HELZ: variants seen among roughly 807,000 people sequenced by gnomAD.
HELZ encodes the protein ATP-dependent RNA helicase with zinc finger domain.
HELZ carries 23 observed loss-of-function variants against 218.2 expected under a neutral mutation model. That is an observed-to-expected ratio of 0.11 (90% CI 0.08 to 0.15). HELZ has a LOEUF of 0.15. Ranked by LOEUF, HELZ falls within the 10% of genes least tolerant of loss-of-function variation. The pLI is 1.00. For missense variants in HELZ, 1,813 were observed against 2,353.7 expected (o/e 0.77, Z 4.75); for synonymous variants, 814 against 829.4 (o/e 0.98, Z 0.32).
In HELZ at chr17:67,135,956, T is replaced by G. The variant is rs1429284961; in HGVS notation, c.3182+14A>C. On this transcript the variant is annotated intron_variant, in intron 23 of 32. Transcript: ENST00000358691. ...CATTTCCCCTTTAATGTCTCAACATTAACACATAATTACCTGCATCTTCCA... is the reference window on the plus strand; with the variant it reads ...CATTTCCCCTTTAATGTCTCAACATGAACACATAATTACCTGCATCTTCCA... 1.0e-5 allele frequency: 16 copies of G among 1,590,576 alleles called. No individual in the cohort carries two copies. The highest frequency in any genetic ancestry group is 1.3e-5 in the Non-Finnish European group (15 of 1,161,366).
chr17:67,075,715 G>T lies in HELZ; in HGVS notation c.*2537C>A, dbSNP rs1042360640. On this transcript the variant is annotated 3_prime_UTR_variant, in exon 33 of 33. Coordinates refer to ENST00000358691, the MANE Select transcript of HELZ (RefSeq NM_014877.4). ...AATGCTGAGGAAGAGTAAGCTTGTTGTAAGTCAAAATAAGCATTTGATGCA... is the reference window on the plus strand; with the variant it reads ...AATGCTGAGGAAGAGTAAGCTTGTTTTAAGTCAAAATAAGCATTTGATGCA... The T allele has an allele frequency of 6.6e-6, 1 of 152,252 alleles. No individual in the cohort carries two copies. Among genetic ancestry groups the T allele is most frequent in the African/African-American group, 2.4e-5 (1 of 41,460 alleles). The allele number at this position is 152,252 out of a possible 1,614,324, so 9.4% of individuals were successfully genotyped here.
chr17:67,092,579 A>G (rs945310242), intron 31 of HELZ, among the ~76,000 whole-genome samples: 18 of 152,354 alleles, frequency 1.2e-4, no homozygotes, highest in African/African-American at 3.4e-4. Context: ...AGGGCTCCAC[A>G]TGGATTCAAG....
intron 14 of HELZ, 28 bp downstream of exon 14, chr17:67,167,435 A>G (rs776725176): frequency 1.3e-6 from 2 of 1,511,198 alleles, no homozygotes; most frequent in Non-Finnish European, 1.8e-6. Context: ...ACAGACCACT[A>G]TGGTTAAGCT....
rs917336339 is a variant in HELZ, at chr17:67,079,118, G to C, written c.5495-532C>G. 2.6e-5 allele frequency among the ~76,000 whole-genome samples: 4 copies of C among 152,270 alleles called. No individual in the cohort carries two copies. In the South Asian group the frequency reaches 6.2e-4, roughly 24 times the overall value. On this transcript the variant is annotated intron_variant, in intron 32 of 32. Transcript: ENST00000358691. ...TAAATGACTTCACATTTCCTATAAT[G>C]TGCCTGACTTTCAAGGTCCCTTAAA...
At chr17:67,170,500 C>T (rs1045664173) in intron 13 of HELZ, among the ~76,000 whole-genome samples, 4 of 151,784 alleles carry the variant, frequency 2.6e-5, no homozygotes, top group African/African-American at 4.8e-5. Flanking sequence ...GGCAACAGAG[C>T]GAGATTCTGT....
At position 67,108,283 on chromosome 17, in the gene HELZ, C is replaced by G. The variant is rs2037168510; in HGVS notation, c.4724+209G>C. Reference sequence around the variant, plus strand: ...AGTTAATTTCCAACCCATAGTAGATCATCCATGCCTAAATTTGTAGAAGAG... The same window carrying G: ...AGTTAATTTCCAACCCATAGTAGATGATCCATGCCTAAATTTGTAGAAGAG... On this transcript the variant is annotated intron_variant, in intron 30 of 32. Transcript: ENST00000358691. This position sits in a 1 kb window ranked among gnomAD's most constrained non-coding sequence, Gnocchi z 4.1. 3 of 532,288 alleles carry G rather than the reference C, an allele frequency of 5.6e-6. No individual in the cohort carries two copies. Among genetic ancestry groups the G allele is most frequent in the Non-Finnish European group, 1.0e-5 (3 of 297,434 alleles). 33.0% of individuals were successfully genotyped at this position (532,288 alleles called of 1,614,324 possible).
At chr17:67,080,155 A>C (rs1265961678) in intron 32 of HELZ, among the ~76,000 whole-genome samples, 2 of 152,220 alleles carry the variant, frequency 1.3e-5, no homozygotes, top group African/African-American at 2.4e-5. Flanking sequence ...TATGTGGCAT[A>C]AGGTAAAGAT....
At chr17:67,164,711 T>G (rs1284058540) in intron 15 of HELZ, among the ~76,000 whole-genome samples, 1 of 151,912 alleles carries the variant, frequency 6.6e-6, no homozygotes, top group East Asian at 1.9e-4. Flanking sequence ...TGCTAAAACA[T>G]GAGAGTTTAG....
intron 5 of HELZ, among the ~76,000 whole-genome samples, chr17:67,208,831 G>C (rs996834358): frequency 6.6e-6 from 1 of 151,850 alleles, no homozygotes; most frequent in Middle Eastern, 3.2e-3. Context: ...CAGCTACTTG[G>C]GAGGCTGGGG....
rs1441471770 is a variant in HELZ at position 67,167,610 on chromosome 17, G to T, written c.1617C>A (p.Val539=). ...GGGTCTGTACTAACTTCTGTTTAGG[G>T]ACTGGTAATAAATAAACAGCATTGA... The part of the protein sequence containing the change: ...TKVNAVYLLP[V]PKQKLVQTQG... Residue 539 remains valine, a synonymous_variant, in exon 14 of 33, where the codon GTC becomes GTA. Coordinates refer to ENST00000358691, the MANE Select transcript of HELZ (RefSeq NM_014877.4). 1 of 1,614,046 alleles carries T rather than the reference G, an allele frequency of 6.2e-7. No individual in the cohort carries two copies. The highest frequency in any genetic ancestry group is 1.1e-5 in the South Asian group (1 of 91,058).
intron 13 of HELZ, among the ~76,000 whole-genome samples, chr17:67,169,265 G>A (rs952725022): frequency 8.5e-5 from 13 of 152,056 alleles, no homozygotes; most frequent in Admixed American, 5.9e-4. Flanking sequence ...TTGTGTTGCC[G>A]TAACAGAATA....
intron 4 of HELZ, among the ~76,000 whole-genome samples, chr17:67,216,238 A>C (rs2040597177): frequency 6.6e-6 from 1 of 152,218 alleles, no homozygotes; most frequent in South Asian, 2.1e-4. Flanking sequence ...CCACAAGAAG[A>C]GAATTTTCAT....
At chr17:67,145,708 A>G (rs774049689) in intron 21 of HELZ, 35 bp downstream of exon 21, 2 of 1,553,246 alleles carry the variant, frequency 1.3e-6, no homozygotes, top group Non-Finnish European at 1.8e-6. Flanking sequence ...TGTGACTGAG[A>G]AAATGTTAAC....
intron 27 of HELZ, chr17:67,119,930 G>C (rs2037546382): frequency 4.9e-6 from 2 of 404,604 alleles, no homozygotes; most frequent in Admixed American, 6.1e-5. Context: ...TTGTGTCTGT[G>C]TACATAATTT....
chr17:67,119,850 G>A (rs1284876422), intron 27 of HELZ: 2 of 349,634 alleles, frequency 5.7e-6, no homozygotes, highest in African/African-American at 2.3e-5. Context: ...ATTTTTTTCA[G>A]AAACTCAGTG....
chr17:67,077,503 C>T lies in HELZ; in HGVS notation c.*749G>A, dbSNP rs912470830. On this transcript the variant is annotated 3_prime_UTR_variant, in exon 33 of 33. Transcript: ENST00000358691. ...TGATTTGTTTAAAAAAAAAAACACA[C>T]ACTATCAAATTAACATTAAAAACAA... is the stretch of plus-strand genomic sequence containing the variant. 1.5e-4 allele frequency: 22 copies of T among 151,076 alleles called. No homozygotes were observed. The highest frequency in any genetic ancestry group is 2.7e-4 in the Non-Finnish European group (18 of 67,744). 9.4% of individuals were successfully genotyped at this position (151,076 alleles called of 1,614,324 possible).
At chr17:67,239,061 A>G (rs2041257761) in intron 3 of HELZ, among the ~76,000 whole-genome samples, 1 of 152,234 alleles carries the variant, frequency 6.6e-6, no homozygotes, top group Non-Finnish European at 1.5e-5. Flanking sequence ...AAACAATTCA[A>G]TACTTAACCA....
intron 6 of HELZ, among the ~76,000 whole-genome samples, chr17:67,202,519 C>T (rs577076080): frequency 1.3e-5 from 2 of 152,112 alleles, no homozygotes; most frequent in East Asian, 1.9e-4. Flanking sequence ...AAATCAAATG[C>T]TATATTTACA....
intron 22 of HELZ, 35 bp from the exon 23 acceptor site, chr17:67,136,233 T>C (rs371411258): frequency 2.0e-5 from 28 of 1,377,976 alleles, no homozygotes; most frequent in Admixed American, 5.5e-5. Flanking sequence ...AGACTTAAGA[T>C]TGTCATTCTG....
Sources: allele counts gnomAD v4.1 joint callset (sites outside exome capture counted in the v4.1 genomes callset), GRCh38; gene constraint gnomAD v4.1.1; non-coding constraint Gnocchi (gnomAD v3.1); transcripts MANE v1.5; gene names NCBI Gene and HGNC (gene_info 2026-07-23, HGNC 2026-07-21).